Variants in ITPKB observed in about 807,000 individuals in gnomAD.
The protein encoded by ITPKB is IP3 3-kinase B.
In ITPKB, 13 loss-of-function variants were observed where a neutral mutation model predicts 69.4. The ratio of observed to expected loss-of-function variants is 0.19; its 90% CI spans 0.12 to 0.30. ITPKB has a LOEUF of 0.30. ITPKB is among the 10% of genes least tolerant of loss of function. The probability of loss-of-function intolerance (pLI) is 1.00; values close to 1 mark genes in which losing one functional copy is unlikely to be tolerated. For missense variants in ITPKB, 1,240 were observed against 1,250.5 expected (o/e 0.99, Z 0.13); for synonymous variants, 584 against 513.7 (o/e 1.14, Z -1.85).
In ITPKB at chr1:226,634,976, G is replaced by A; in HGVS notation, c.2626-90C>T. On this transcript the variant is annotated intron_variant, in intron 7 of 7. Transcript: ENST00000429204. The surrounding 1 kb of genome is among the most constrained non-coding windows in gnomAD (Gnocchi z 6.3). ...GGGGCCTGGGTGACCAGGTGGGGAG[G>A]CTCGCTCAGGCCGGACAGTTGGGTG... The A allele has an allele frequency of 2.1e-6, 2 of 950,740 alleles. No individual in the cohort carries two copies. Among genetic ancestry groups the A allele is most frequent in the Non-Finnish European group, 3.2e-6 (2 of 625,710 alleles). The allele number at this position is 950,740 out of a possible 1,614,324, so 58.9% of individuals were successfully genotyped here.
At chr1:226,640,229 C>G (rs1668931227) in intron 5 of ITPKB, among the ~76,000 whole-genome samples, 1 of 152,244 alleles carries the variant, frequency 6.6e-6, no homozygotes, top group Non-Finnish European at 1.5e-5. Flanking sequence ...ACCCCACTCC[C>G]ATCTTCTTGG....
chr1:226,675,616 G>A (rs1366027267), intron 2 of ITPKB, among the ~76,000 whole-genome samples: 1 of 152,186 alleles, frequency 6.6e-6, no homozygotes, highest in Non-Finnish European at 1.5e-5. Context: ...CGATTTACTA[G>A]TGGTGGAACT....
At chr1:226,717,962 A>G (rs1375748588) in intron 2 of ITPKB, among the ~76,000 whole-genome samples, 1 of 152,242 alleles carries the variant, frequency 6.6e-6, no homozygotes, top group African/African-American at 2.4e-5. Flanking sequence ...GGAGACGGTA[A>G]ATAAGCCAGT....
At chr1:226,735,410 G>A (rs558784502) in intron 2 of ITPKB, 117 bp downstream of exon 2, 11 of 1,184,774 alleles carry the variant, frequency 9.3e-6, no homozygotes, top group African/African-American at 1.6e-5. Flanking sequence ...GACTGTCCCA[G>A]GGCCCTGGTC....
intron 3 of ITPKB, among the ~76,000 whole-genome samples, chr1:226,648,454 T>A: frequency 7.3e-5 from 1 of 13,726 alleles, no homozygotes; most frequent in South Asian, 0.015. Context: ...GATGCATGTT[T>A]TGGAGGATGG....
chr1:226,720,977 G>C (rs1288608642), intron 2 of ITPKB, among the ~76,000 whole-genome samples: 4 of 151,156 alleles, frequency 2.6e-5, no homozygotes, highest in Admixed American at 6.6e-5. Flanking sequence ...GGGCAGCAGA[G>C]GTTGCAATGA....
In ITPKB at chr1:226,631,962, T is replaced by A. The variant is rs1282227533; in HGVS notation, c.*2709A>T. 6.6e-6 allele frequency: 1 copy of A among 152,372 alleles called. No homozygotes were observed. The highest frequency in any genetic ancestry group is 2.4e-5 in the African/African-American group (1 of 41,394). 9.4% of individuals were successfully genotyped at this position (152,372 alleles called of 1,614,324 possible). On this transcript the variant is annotated 3_prime_UTR_variant, in exon 8 of 8. Transcript: ENST00000429204. The stretch of plus-strand genomic sequence containing the variant: ...TACAACTGAAGGATGAAAGAGTCCA[T>A]CTTACAGGGCCAGGGCTGCTTCTGG...
intron 2 of ITPKB, among the ~76,000 whole-genome samples, chr1:226,734,698 T>G (rs1217066858): frequency 6.6e-6 from 1 of 152,168 alleles, no homozygotes. Flanking sequence ...GTAATAGAAA[T>G]AAACTCCTGT....
intron 2 of ITPKB, among the ~76,000 whole-genome samples, chr1:226,695,568 A>T (rs763067579): frequency 6.6e-6 from 1 of 152,024 alleles, no homozygotes; most frequent in Non-Finnish European, 1.5e-5. Flanking sequence ...TCACACTCCC[A>T]CCCAGGCCAG....
At chr1:226,676,270 T>C (rs1479226596) in intron 2 of ITPKB, 1 of 152,154 alleles carries the variant, frequency 6.6e-6, no homozygotes, top group African/African-American at 2.4e-5. Context: ...GCCATCTTAG[T>C]GTCAATCTTG....
At chr1:226,730,191 T>C (rs1657548321) in intron 2 of ITPKB, among the ~76,000 whole-genome samples, 1 of 152,180 alleles carries the variant, frequency 6.6e-6, no homozygotes, top group African/African-American at 2.4e-5. Flanking sequence ...CACAGTCAGA[T>C]GGACCAGACC....
At chr1:226,718,883 A>G (rs1379452188) in intron 2 of ITPKB, among the ~76,000 whole-genome samples, 1 of 152,248 alleles carries the variant, frequency 6.6e-6, no homozygotes, top group Admixed American at 6.5e-5. Context: ...TCACAAATAA[A>G]TGAAGGCTTA....
At chr1:226,717,195 C>T (rs1657118013) in intron 2 of ITPKB, among the ~76,000 whole-genome samples, 2 of 152,208 alleles carry the variant, frequency 1.3e-5, no homozygotes, top group South Asian at 4.1e-4. Context: ...CCCATTAACT[C>T]TCAAGACTAC....
intron 2 of ITPKB, among the ~76,000 whole-genome samples, chr1:226,674,221 AG>A (rs912976778): frequency 1.3e-5 from 2 of 151,878 alleles, no homozygotes; most frequent in African/African-American, 4.8e-5. Flanking sequence ...TTTTTTTTTG[AG>A]ACAGAGTCTC....
chr1:226,667,885 T>C (rs966915887), intron 2 of ITPKB, among the ~76,000 whole-genome samples: 5 of 149,042 alleles, frequency 3.4e-5, no homozygotes. Context: ...AGGTTGGTAT[T>C]TCAGGATTGA....
In ITPKB at chr1:226,660,215, T is replaced by C. The variant is rs1043193686; in HGVS notation, c.1933-11444A>G. Among the ~76,000 whole-genome samples the C allele has an allele frequency of 7.2e-5, 11 of 152,232 alleles. No individual in the cohort carries two copies. The South Asian group carries it at 8.3e-4, about 11-fold the overall frequency. The stretch of plus-strand genomic sequence containing the variant: ...CACTCTCCCATCCCTCAATCTGTGA[T>C]GCCCTTGCTGGCAGGCAGGGGACAT... On this transcript the variant is annotated intron_variant, in intron 2 of 7. Coordinates refer to ENST00000429204, the MANE Select transcript of ITPKB (RefSeq NM_002221.4).
chr1:226,682,891 T>G (rs1322560682), intron 2 of ITPKB, among the ~76,000 whole-genome samples: 1 of 152,148 alleles, frequency 6.6e-6, no homozygotes, highest in East Asian at 1.9e-4. Flanking sequence ...GAGGTGTATA[T>G]TTACAGGGAG....
chr1:226,704,188 G>A (rs923951681), intron 2 of ITPKB, among the ~76,000 whole-genome samples: 1 of 151,864 alleles, frequency 6.6e-6, no homozygotes, highest in Admixed American at 6.6e-5. Flanking sequence ...AAAAAAGAGT[G>A]ACTACGAAAT....
Position 226,639,592 on chromosome 1 carries a change from A to T in ITPKB, c.2518T>A (p.Phe840Ile). Residue 840 changes from phenylalanine (F) to isoleucine (I), a missense_variant, in exon 6 of 8, where the codon TTC becomes ATC. By Grantham distance (21) the Phe-to-Ile change is conservative. Around this residue, in one of 2 missense-constraint regions of ITPKB, gnomAD observed 248 missense variants for 396.7 expected, o/e 0.63. Coordinates refer to ENST00000429204, the MANE Select transcript of ITPKB (RefSeq NM_002221.4). The stretch of plus-strand genomic sequence containing the variant: ...TGGTTTCCTTTAGTGAACTCTCTGA[A>T]GGCCTCGGTGACCTGCTCCCTCGTT... ...TKTREQVTEA[F>I]REFTKGNHNI... 2 of 1,613,602 alleles carry T rather than the reference A, an allele frequency of 1.2e-6. No homozygotes were observed. Among genetic ancestry groups the T allele is most frequent in the Non-Finnish European group, 8.5e-7 (1 of 1,179,526 alleles).
Sources: gnomAD v4.1 joint callset for allele counts (sites outside exome capture counted in the v4.1 genomes callset) on GRCh38, gnomAD v4.1.1 for gene constraint, gnomAD v4.1.1 regional missense constraint, Gnocchi (gnomAD v3.1) non-coding constraint, MANE v1.5 for transcripts, NCBI Gene and HGNC (gene_info 2026-07-23, HGNC 2026-07-21) for gene names.